Variants in FRMD4A observed in about 807,000 individuals in gnomAD.
The protein encoded by FRMD4A is FERM domain containing 4A, also known as FERM domain-containing protein 4A.
In FRMD4A, 29 loss-of-function variants were observed where a neutral mutation model predicts 129.1. That is an observed-to-expected ratio of 0.22 (90% CI 0.17 to 0.31). The LOEUF is 0.31. FRMD4A is among the 10% of genes least tolerant of loss of function. The pLI, the probability that FRMD4A is intolerant of heterozygous loss-of-function variation, is 1.00. For synonymous variants in FRMD4A, 634 were observed against 571.6 expected, an observed-to-expected ratio of 1.11 and a Z score of -1.56; for missense variants, 1,272 against 1,375.8, an observed-to-expected ratio of 0.92 and a Z score of 1.19.
Position 13,824,041 on chromosome 10 carries a change from G to A in FRMD4A, c.112-13133C>T, listed in dbSNP as rs1040649326. On this transcript the variant is annotated intron_variant, in intron 3 of 24. Transcript: ENST00000357447. ...GCCTTTTAGCAGGATGGTGGTGAGA[G>A]CCAAGTTCAGAGGGGGTTAAAAAAT... is the stretch of plus-strand genomic sequence containing the variant. Among the ~76,000 whole-genome samples, 86 of 152,154 alleles carry A rather than the reference G, an allele frequency of 5.7e-4. 1 individual carries two copies. The highest frequency in any genetic ancestry group is 5.6e-3 in the Admixed American group (86 of 15,272).
At chr10:14,056,331 C>T (rs569452715) in intron 2 of FRMD4A, among the ~76,000 whole-genome samples, 1 of 152,112 alleles carries the variant, frequency 6.6e-6, no homozygotes, top group Non-Finnish European at 1.5e-5. Flanking sequence ...CGGACCTGAT[C>T]TTATTCATTC....
chr10:14,155,940 A>G (rs1421917377), intron 2 of FRMD4A, among the ~76,000 whole-genome samples: 1 of 152,212 alleles, frequency 6.6e-6, no homozygotes, highest in African/African-American at 2.4e-5. Flanking sequence ...ATTTAGAGAA[A>G]TAGAACATAT....
At chr10:14,225,025 T>C (rs1589193560) in intron 2 of FRMD4A, among the ~76,000 whole-genome samples, 1 of 152,256 alleles carries the variant, frequency 6.6e-6, no homozygotes, top group African/African-American at 2.4e-5. Context: ...TCCCTAAAAA[T>C]GCAAGTGTCC....
intron 2 of FRMD4A, among the ~76,000 whole-genome samples, chr10:14,208,179 G>C (rs1842839520): frequency 6.6e-6 from 1 of 152,130 alleles, no homozygotes; most frequent in South Asian, 2.1e-4. Flanking sequence ...CTGAGCAACA[G>C]AGCCAGACCC....
chr10:13,682,063 T>TAA (rs113904196), intron 15 of FRMD4A, among the ~76,000 whole-genome samples: 16 of 149,500 alleles, frequency 1.1e-4, no homozygotes, highest in Non-Finnish European at 1.3e-4. Context: ...CTACAAAAAT[T>TAA]AAAAAAAAAA....
chr10:13,910,889 A>G (rs914986942), intron 2 of FRMD4A, among the ~76,000 whole-genome samples: 1 of 1,436 alleles, frequency 7.0e-4, no homozygotes, highest in Non-Finnish European at 4.2e-3. Context: ...GAGTTTCATG[A>G]AAAAAAAAAA....
chr10:14,201,718 T>C (rs947414503), intron 2 of FRMD4A, among the ~76,000 whole-genome samples: 4 of 152,184 alleles, frequency 2.6e-5, no homozygotes, highest in Admixed American at 2.6e-4. Flanking sequence ...AGACCTGTGG[T>C]TGATGCTTCT....
chr10:13,928,878 A>C (rs182472757), intron 2 of FRMD4A, among the ~76,000 whole-genome samples: 1 of 152,314 alleles, frequency 6.6e-6, no homozygotes, highest in East Asian at 1.9e-4. Context: ...AGAGACGTGC[A>C]ACAGAGTAAT....
intron 2 of FRMD4A, among the ~76,000 whole-genome samples, chr10:14,152,606 C>T (rs368106714): frequency 1.3e-4 from 20 of 152,228 alleles, no homozygotes; most frequent in African/African-American, 4.1e-4. Flanking sequence ...AGAAGCCGGG[C>T]GCGGTGGCTC....
At position 13,929,796 on chromosome 10, in the gene FRMD4A, G is replaced by A. The variant is rs144281696; in HGVS notation, c.46-70884C>T. Among the ~76,000 whole-genome samples, 901 of 152,070 alleles carry A rather than the reference G, an allele frequency of 5.9e-3. 10 individuals are homozygous for A. The highest frequency in any genetic ancestry group is 0.021 in the African/African-American group (852 of 41,558). On this transcript the variant is annotated intron_variant, in intron 2 of 24. Coordinates refer to ENST00000357447, the MANE Select transcript of FRMD4A (RefSeq NM_018027.5). ...GATCTGCGGTCAGAGTCTGTTGTGAGTTTGAATCTTAGCTGTGCTACTTAC... is the reference window on the plus strand; with the variant it reads ...GATCTGCGGTCAGAGTCTGTTGTGAATTTGAATCTTAGCTGTGCTACTTAC...
intron 2 of FRMD4A, among the ~76,000 whole-genome samples, chr10:14,100,078 C>A (rs1428889820): frequency 6.6e-6 from 1 of 152,252 alleles, no homozygotes; most frequent in African/African-American, 2.4e-5. Context: ...CTCATCCACT[C>A]CTTGTTTTGC....
chr10:13,731,947 A>G (rs1373525340), intron 12 of FRMD4A, among the ~76,000 whole-genome samples: 1 of 152,162 alleles, frequency 6.6e-6, no homozygotes, highest in East Asian at 1.9e-4. Flanking sequence ...GGGTGTCCCC[A>G]CGTGTTCAGC....
chr10:14,308,231 T>A (rs1432174645), intron 2 of FRMD4A, among the ~76,000 whole-genome samples: 1 of 152,228 alleles, frequency 6.6e-6, no homozygotes, highest in African/African-American at 2.4e-5. Context: ...AACTGTAAAC[T>A]CGTGGCTCCT....
At chr10:13,809,323 G>C (rs2093407762) in intron 4 of FRMD4A, among the ~76,000 whole-genome samples, 1 of 152,126 alleles carries the variant, frequency 6.6e-6, no homozygotes, top group Non-Finnish European at 1.5e-5. Context: ...GAGTTCACGG[G>C]ATCTTTTAGT....
chr10:14,170,289 C>T (rs1031065625), intron 2 of FRMD4A, among the ~76,000 whole-genome samples: 19 of 152,102 alleles, frequency 1.2e-4, no homozygotes, highest in Admixed American at 6.5e-5. Flanking sequence ...CTATTATGCC[C>T]AGGTACAAAA....
At chr10:13,724,672 A>G (rs1588436887) in intron 12 of FRMD4A, among the ~76,000 whole-genome samples, 1 of 152,346 alleles carries the variant, frequency 6.6e-6, no homozygotes, top group Middle Eastern at 3.4e-3. Flanking sequence ...GAAGCCAGCC[A>G]GTCTCAGGGC....
At chr10:14,020,923 T>G (rs1588794869) in intron 2 of FRMD4A, among the ~76,000 whole-genome samples, 1 of 152,172 alleles carries the variant, frequency 6.6e-6, no homozygotes, top group African/African-American at 2.4e-5. Flanking sequence ...ATGCCTTTTC[T>G]AGGGGCAAGG....
At chr10:14,061,235 C>G (rs1834797516) in intron 2 of FRMD4A, among the ~76,000 whole-genome samples, 1 of 152,074 alleles carries the variant, frequency 6.6e-6, no homozygotes, top group Admixed American at 6.6e-5. Context: ...TACCTGAGGT[C>G]AGGAGTTCAA....
chr10:13,986,370 C>A (rs1017296114), intron 2 of FRMD4A, among the ~76,000 whole-genome samples: 1 of 150,864 alleles, frequency 6.6e-6, no homozygotes, highest in Admixed American at 6.6e-5. Flanking sequence ...AATTGGAAAT[C>A]ATCATTCTCA....
Sources: allele counts gnomAD v4.1 joint callset (sites outside exome capture counted in the v4.1 genomes callset), GRCh38; gene constraint gnomAD v4.1.1; transcripts MANE v1.5; gene names NCBI Gene and HGNC (gene_info 2026-07-23, HGNC 2026-07-21).